CNTN5: variants seen among roughly 807,000 people sequenced by gnomAD.
CNTN5 encodes the protein contactin 5, also known as contactin-5.
CNTN5 carries 77 observed loss-of-function variants against 129.1 expected under a neutral mutation model. That is an observed-to-expected ratio of 0.60 (90% CI 0.50 to 0.72). The LOEUF (loss-of-function observed/expected upper bound fraction) is 0.72, where lower values mean the gene tolerates loss of function less well. Ranked by LOEUF, CNTN5 falls within the 30% of genes least tolerant of loss-of-function variation. The probability of loss-of-function intolerance (pLI) is 0.00; values close to 1 mark genes in which losing one functional copy is unlikely to be tolerated. For synonymous variants in CNTN5, 509 were observed against 465.6 expected (o/e 1.09, Z -1.20); for missense variants, 1,478 against 1,328.8 (o/e 1.11, Z -1.75).
chr11:100,326,961 C>A (rs1187549255), intron 21 of CNTN5, among the ~76,000 whole-genome samples: 1 of 152,102 alleles, frequency 6.6e-6, no homozygotes, highest in Non-Finnish European at 1.5e-5. Context: ...AGGCAGTGGA[C>A]AAAGTGAGAT....
intron 6 of CNTN5, among the ~76,000 whole-genome samples, chr11:99,915,565 T>C (rs185487235): frequency 5.9e-5 from 9 of 152,286 alleles, no homozygotes; most frequent in Admixed American, 5.9e-4. Context: ...TTTCTATTTT[T>C]ACTATATTTT....
chr11:99,698,365 G>A (rs775249745), intron 3 of CNTN5, among the ~76,000 whole-genome samples: 8 of 151,338 alleles, frequency 5.3e-5, no homozygotes, highest in African/African-American at 9.7e-5. Flanking sequence ...ACTAAAAACC[G>A]TATTCTAAAA....
intron 3 of CNTN5, among the ~76,000 whole-genome samples, chr11:99,701,725 C>CT: frequency 6.6e-6 from 1 of 151,054 alleles, no homozygotes; most frequent in East Asian, 1.9e-4. Flanking sequence ...ACCTGTACTG[C>CT]TTTCAACTAA....
chr11:99,645,262 CA>C (rs71050011), intron 3 of CNTN5, among the ~76,000 whole-genome samples: 16 of 47,488 alleles, frequency 3.4e-4, no homozygotes, highest in Admixed American at 7.8e-4. Context: ...TCCATCTCAA[CA>C]AAAAAAAAAA....
intron 1 of CNTN5, among the ~76,000 whole-genome samples, chr11:99,230,278 C>T (rs78157018): frequency 0.018 from 2,716 of 151,918 alleles, 44 homozygotes; most frequent in African/African-American, 0.039. Flanking sequence ...ACAAAAATGA[C>T]GAAAGCATTT....
intron 1 of CNTN5, among the ~76,000 whole-genome samples, chr11:99,259,416 A>T (rs933626295): frequency 6.6e-6 from 1 of 151,904 alleles, no homozygotes; most frequent in Non-Finnish European, 1.5e-5. Context: ...GTGAGATCAT[A>T]CTAAATACAA....
chr11:99,893,494 G>T (rs983621742), intron 6 of CNTN5, among the ~76,000 whole-genome samples: 2 of 152,214 alleles, frequency 1.3e-5, no homozygotes, highest in South Asian at 2.1e-4. Context: ...ACAAATGTTT[G>T]TTGAGCACCC....
chr11:99,133,245 A>G (rs985372794), intron 1 of CNTN5, among the ~76,000 whole-genome samples: 5 of 152,198 alleles, frequency 3.3e-5, no homozygotes, highest in Non-Finnish European at 7.3e-5. Flanking sequence ...TACCTTATAC[A>G]AAAATTAACT....
At chr11:99,451,573 T>C (rs2656175) in intron 2 of CNTN5, among the ~76,000 whole-genome samples, 1 of 151,562 alleles carries the variant, frequency 6.6e-6, no homozygotes, top group African/African-American at 2.4e-5. Flanking sequence ...TTACTGATAG[T>C]GGAAATTATT....
chr11:100,220,354 C>T (rs12789536), intron 15 of CNTN5, among the ~76,000 whole-genome samples: 40,430 of 151,660 alleles, frequency 0.27, 6,504 homozygotes, highest in Middle Eastern at 0.39. Context: ...CAAGTTTTTA[C>T]GTCAGTAACA....
intron 4 of CNTN5, among the ~76,000 whole-genome samples, chr11:99,843,840 G>C (rs938360814): frequency 2.6e-5 from 4 of 152,102 alleles, no homozygotes; most frequent in Non-Finnish European, 4.4e-5. Flanking sequence ...TCAAATTCAT[G>C]ATCAATGAAA....
chr11:100,284,847 T>A (rs1199468320), intron 18 of CNTN5, among the ~76,000 whole-genome samples: 1 of 152,220 alleles, frequency 6.6e-6, no homozygotes, highest in Admixed American at 6.5e-5. Flanking sequence ...AATATACATA[T>A]ATGCTTATGT....
At chr11:99,496,945 A>G (rs748322795) in intron 2 of CNTN5, among the ~76,000 whole-genome samples, 3 of 152,248 alleles carry the variant, frequency 2.0e-5, no homozygotes, top group Non-Finnish European at 4.4e-5. Context: ...GGCTTTTAAT[A>G]TCGTCGGCCA....
intron 15 of CNTN5, among the ~76,000 whole-genome samples, chr11:100,208,333 A>G (rs1948956990): frequency 6.6e-6 from 1 of 152,120 alleles, no homozygotes; most frequent in Non-Finnish European, 1.5e-5. Context: ...CGCATCTGCA[A>G]TCAGCTGCCT....
intron 2 of CNTN5, among the ~76,000 whole-genome samples, chr11:99,490,417 A>G (rs1016256856): frequency 1.3e-5 from 2 of 152,234 alleles, no homozygotes; most frequent in African/African-American, 2.4e-5. Flanking sequence ...CATAAAGTCC[A>G]TACATAATTA....
chr11:100,032,992 A>G (rs1008263118), intron 9 of CNTN5, among the ~76,000 whole-genome samples: 13 of 152,184 alleles, frequency 8.5e-5, no homozygotes, highest in Admixed American at 2.0e-4. Context: ...AAGACTATAT[A>G]CTTTTATAAA....
chr11:99,488,690 T>A (rs929110117), intron 2 of CNTN5, among the ~76,000 whole-genome samples: 3 of 152,204 alleles, frequency 2.0e-5, no homozygotes, highest in African/African-American at 7.2e-5. Context: ...GAAAATGTAA[T>A]CTTCCTGTAT....
chr11:99,844,735 C>A, intron 4 of CNTN5, 117 bp from the exon 5 acceptor site: 1 of 880,364 alleles, frequency 1.1e-6, no homozygotes, highest in Non-Finnish European at 1.7e-6. Context: ...GGGAATTTAC[C>A]TGTTGATTAC....
intron 2 of CNTN5, among the ~76,000 whole-genome samples, chr11:99,468,897 A>G (rs115740071): frequency 0.021 from 3,146 of 152,112 alleles, 117 homozygotes; most frequent in African/African-American, 0.071. Context: ...TTAGGAATAG[A>G]TTTATACATG....
Sources: allele counts gnomAD v4.1 joint callset (sites outside exome capture counted in the v4.1 genomes callset), GRCh38; gene constraint gnomAD v4.1.1; transcripts MANE v1.5; gene names NCBI Gene and HGNC (gene_info 2026-07-23, HGNC 2026-07-21).